Variants in ESR1 observed in about 807,000 individuals in gnomAD.
ESR1 encodes estrogen receptor.
In ESR1, 12 loss-of-function variants were observed where a neutral mutation model predicts 52.7. That is an observed-to-expected ratio of 0.23 (90% confidence interval 0.15 to 0.37). ESR1 has a LOEUF of 0.37. ESR1 is among the 10% of genes least tolerant of loss of function. ESR1 has a pLI of 1.00. For missense variants in ESR1, 584 were observed against 779.7 expected, an observed-to-expected ratio of 0.75 and a Z score of 2.99; for synonymous variants, 305 against 316.8, an observed-to-expected ratio of 0.96 and a Z score of 0.39.
chr6:151,667,371 TG>T (rs1170174011), intron 1 of ESR1, among the ~76,000 whole-genome samples: 1 of 152,242 alleles, frequency 6.6e-6, no homozygotes, highest in African/African-American at 2.4e-5. Flanking sequence ...CAGTGAAAGT[TG>T]CCCATAATAC....
intron 2 of ESR1, among the ~76,000 whole-genome samples, chr6:151,745,516 A>G (rs1783418333): frequency 6.6e-6 from 1 of 152,190 alleles, no homozygotes; most frequent in Non-Finnish European, 1.5e-5. Flanking sequence ...GGGTAGACTA[A>G]CATTCACAAA....
chr6:151,934,136 T>A (rs933293446), intron 3 of ESR1, among the ~76,000 whole-genome samples: 3 of 152,240 alleles, frequency 2.0e-5, no homozygotes, highest in African/African-American at 7.2e-5. Context: ...CTCTGGTCTT[T>A]GGCTCTTACT....
intron 4 of ESR1, among the ~76,000 whole-genome samples, chr6:151,970,195 A>G (rs559211904): frequency 6.6e-6 from 1 of 152,238 alleles, no homozygotes; most frequent in Non-Finnish European, 1.5e-5. Flanking sequence ...AGTGCTCGGC[A>G]TTCAGTAAAT....
At chr6:151,966,215 A>T (rs1015440993) in intron 4 of ESR1, among the ~76,000 whole-genome samples, 1 of 152,144 alleles carries the variant, frequency 6.6e-6, no homozygotes, top group Non-Finnish European at 1.5e-5. Flanking sequence ...CTGCCCCACT[A>T]TATATTCTAA....
At chr6:152,037,015 C>T (rs1344175129) in intron 5 of ESR1, among the ~76,000 whole-genome samples, 1 of 152,188 alleles carries the variant, frequency 6.6e-6, no homozygotes, top group Non-Finnish European at 1.5e-5. Flanking sequence ...ACTGTGTTTA[C>T]CAGTTGTTTC....
intron 5 of ESR1, among the ~76,000 whole-genome samples, chr6:152,043,571 G>T (rs922462362): frequency 1.3e-5 from 2 of 152,194 alleles, no homozygotes; most frequent in Non-Finnish European, 2.9e-5. Context: ...GTCCTTAGGA[G>T]AATCAACATC....
At chr6:151,961,022 G>A (rs557579174) in intron 4 of ESR1, among the ~76,000 whole-genome samples, 1 of 152,292 alleles carries the variant, frequency 6.6e-6, no homozygotes, top group South Asian at 2.1e-4. Context: ...TCTACAGGTG[G>A]AACAAGTTTT....
chr6:151,809,459 C>T (rs997170195), intron 1 of ESR1, among the ~76,000 whole-genome samples: 3 of 152,154 alleles, frequency 2.0e-5, no homozygotes, highest in African/African-American at 2.4e-5. Flanking sequence ...GACAGGTGTA[C>T]CCCGGACTGG....
chr6:152,015,555 C>T (rs565676941), intron 5 of ESR1, among the ~76,000 whole-genome samples: 1 of 152,228 alleles, frequency 6.6e-6, no homozygotes, highest in South Asian at 2.1e-4. Context: ...CGAAGTCTTC[C>T]ATGATACCCA....
At chr6:151,988,474 T>C (rs768155828) in intron 4 of ESR1, among the ~76,000 whole-genome samples, 1 of 152,096 alleles carries the variant, frequency 6.6e-6, no homozygotes, top group Admixed American at 6.5e-5. Flanking sequence ...CACCTCCTGT[T>C]GGGCGGCCCA....
intron 2 of ESR1, among the ~76,000 whole-genome samples, chr6:151,785,618 G>C (rs1411013694): frequency 6.6e-6 from 1 of 152,138 alleles, no homozygotes; most frequent in Non-Finnish European, 1.5e-5. Context: ...ACTACCGCAG[G>C]TAAAGTCTAG....
chr6:151,849,978 TTA>T lies in ESR1; in HGVS notation c.643+7218_643+7219del, dbSNP rs66502837. On this transcript the variant is annotated intron_variant, in intron 2 of 7. Coordinates refer to ENST00000206249, the MANE Select transcript of ESR1 (RefSeq NM_000125.4). ...TCTTTCCACCTAGTTTCCTAGGGAA[TTA>T]TATATATATATATATATATATATAT... is the stretch of plus-strand genomic sequence containing the variant. 5.4e-3 allele frequency among the ~76,000 whole-genome samples: 454 copies of T among 84,114 alleles called. 3 individuals carry two copies. Among genetic ancestry groups the T allele is most frequent in the African/African-American group, 0.018 (368 of 20,226 alleles). The allele number at this position is 84,114 out of a possible 152,430, so 55.2% of individuals were successfully genotyped here. A position where few individuals can be genotyped will look rare whatever the true frequency, so the allele number is the denominator to read the frequency against.
At chr6:151,706,203 C>G (rs940847171) in intron 2 of ESR1, among the ~76,000 whole-genome samples, 1 of 152,156 alleles carries the variant, frequency 6.6e-6, no homozygotes, top group Non-Finnish European at 1.5e-5. Flanking sequence ...ATTGCTTTGG[C>G]GCCTATTTCA....
At chr6:151,845,630 G>T (rs527702878) in intron 2 of ESR1, among the ~76,000 whole-genome samples, 10 of 152,174 alleles carry the variant, frequency 6.6e-5, no homozygotes, top group Admixed American at 5.2e-4. Flanking sequence ...TCTTGTATAC[G>T]CAGACCAGCT....
intron 6 of ESR1, among the ~76,000 whole-genome samples, chr6:152,084,848 T>C (rs944980475): frequency 4.6e-5 from 7 of 152,122 alleles, no homozygotes; most frequent in Non-Finnish European, 1.0e-4. Flanking sequence ...GAAACCGGAG[T>C]ACAGATCTTT....
At chr6:151,685,597 T>C (rs1304992231), upstream of ESR1, among the ~76,000 whole-genome samples, 1 of 152,152 alleles carries the variant, frequency 6.6e-6, no homozygotes, top group African/African-American at 2.4e-5. Flanking sequence ...TATCTGGTGA[T>C]CGAGATGTCT....
At chr6:151,686,456 C>T (rs559536631), upstream of ESR1, among the ~76,000 whole-genome samples, 3,876 of 152,148 alleles carry the variant, frequency 0.025, 142 homozygotes, top group African/African-American at 0.083. Context: ...GAGGCCGAGG[C>T]GGCCGGATCA....
chr6:151,706,825 T>A (rs536334262), intron 2 of ESR1, among the ~76,000 whole-genome samples: 29 of 152,244 alleles, frequency 1.9e-4, no homozygotes, highest in Admixed American at 5.2e-4. Context: ...TGCTATTCAG[T>A]AGAAGTAAAA....
At chr6:151,859,479 G>A (rs138170089) in intron 2 of ESR1, among the ~76,000 whole-genome samples, 6 of 152,290 alleles carry the variant, frequency 3.9e-5, no homozygotes, top group Admixed American at 6.5e-5. Context: ...GTTTACTTGC[G>A]TGTCTTGGCT....
Sources: allele counts gnomAD v4.1 joint callset (sites outside exome capture counted in the v4.1 genomes callset), GRCh38; gene constraint gnomAD v4.1.1; transcripts MANE v1.5; gene names NCBI Gene and HGNC (gene_info 2026-07-23, HGNC 2026-07-21).